OR1F1: variants seen among roughly 807,000 people sequenced by gnomAD.
OR1F1 encodes olfactory receptor 1F1.
For synonymous variants in OR1F1, 184 were observed against 156.7 expected, an observed-to-expected ratio of 1.17 and a Z score of -1.30; for missense variants, 493 against 376.3, an observed-to-expected ratio of 1.31 and a Z score of -2.57.
the OR1F1 span, among the ~76,000 whole-genome samples, chr16:3,198,354 G>C: frequency 2.0e-5 from 3 of 152,052 alleles, no homozygotes; most frequent in African/African-American, 7.2e-5. Flanking sequence ...GCACAAAATA[G>C]CTGGTGTGCC....
the OR1F1 span, among the ~76,000 whole-genome samples, chr16:3,196,116 G>A: frequency 2.6e-5 from 4 of 152,226 alleles, no homozygotes; most frequent in Non-Finnish European, 5.9e-5. Context: ...GTCAAGTGGT[G>A]AGCACACACT....
the OR1F1 span, among the ~76,000 whole-genome samples, chr16:3,193,680 C>T: frequency 6.6e-6 from 1 of 152,176 alleles, no homozygotes; most frequent in Non-Finnish European, 1.5e-5. Context: ...TCCCTGCAGC[C>T]TCCACTTCCT....
chr16:3,189,135 C>T, the OR1F1 span, among the ~76,000 whole-genome samples: 1 of 152,168 alleles, frequency 6.6e-6, no homozygotes, highest in Non-Finnish European at 1.5e-5. Context: ...GGACCGGAGC[C>T]GGAGAAGCGT....
chr16:3,189,658 T>C, the OR1F1 span: 1 of 151,900 alleles, frequency 6.6e-6, no homozygotes, highest in Non-Finnish European at 1.5e-5. Context: ...GGGGTATGAT[T>C]CTCGCTTAGG....
At chr16:3,195,676 CAAAA>C in the OR1F1 span, among the ~76,000 whole-genome samples, 1 of 99,298 alleles carries the variant, frequency 1.0e-5, no homozygotes, top group African/African-American at 3.6e-5. Context: ...GAGTGGAACT[CAAAA>C]AAAAAAAAAA....
chr16:3,191,947 C>T, the OR1F1 span, among the ~76,000 whole-genome samples: 2 of 152,210 alleles, frequency 1.3e-5, no homozygotes, highest in African/African-American at 4.8e-5. Context: ...GCTCCAAGTA[C>T]TCCACGGCTG....
At chr16:3,189,479 G>A in the OR1F1 span, among the ~76,000 whole-genome samples, 1 of 152,236 alleles carries the variant, frequency 6.6e-6, no homozygotes, top group African/African-American at 2.4e-5. Context: ...AGGGGCCGGG[G>A]CTCTGGGCTT....
chr16:3,199,977 C>A (rs1002528535), upstream of OR1F1, among the ~76,000 whole-genome samples: 2 of 151,318 alleles, frequency 1.3e-5, no homozygotes, highest in Non-Finnish European at 2.9e-5. Context: ...GATCATGCCA[C>A]TGCACTGCAC....
rs776552757 is a variant in OR1F1 at position 3,204,686 on chromosome 16, G to C, written c.440G>C (p.Gly147Ala). The change falls in exon 1 of 1, where the codon GGA (glycine) becomes GCA (alanine). Residue 147 changes from glycine (G) to alanine (A), a missense_variant. Coordinates refer to ENST00000304646, the Ensembl canonical transcript of OR1F1. ...CAGCTCTGTGCCCTGCTGGTTGCTG[G>C]ATTATGGGTGGTTGCCAACCTGAAT... The C allele has an allele frequency of 4.0e-5, 64 of 1,613,992 alleles. 2 individuals carry two copies. In the South Asian group the frequency reaches 6.0e-4, roughly 15 times the overall value.
At chr16:3,191,473 T>G in the OR1F1 span, 1 of 152,150 alleles carries the variant, frequency 6.6e-6, no homozygotes. Flanking sequence ...ACCCCGCCAA[T>G]TACTAGACAT....
the OR1F1 span, among the ~76,000 whole-genome samples, chr16:3,192,875 G>A: frequency 6.6e-6 from 1 of 152,068 alleles, no homozygotes; most frequent in Non-Finnish European, 1.5e-5. Context: ...TCTGACTCGC[G>A]CCGTCTGCAA....
chr16:3,198,147 G>A, the OR1F1 span, among the ~76,000 whole-genome samples: 3 of 149,954 alleles, frequency 2.0e-5, no homozygotes, highest in East Asian at 6.0e-4. Flanking sequence ...GGGAGAGAGA[G>A]GGAGAGAGAG....
chr16:3,203,222 C>T (rs528751318), upstream of OR1F1, among the ~76,000 whole-genome samples: 1 of 152,302 alleles, frequency 6.6e-6, no homozygotes, highest in South Asian at 2.1e-4. Context: ...CAATGAGGCT[C>T]TCAGGGAATA....
the OR1F1 span, among the ~76,000 whole-genome samples, chr16:3,191,949 C>T: frequency 1.3e-5 from 2 of 152,318 alleles, no homozygotes; most frequent in African/African-American, 2.4e-5. Flanking sequence ...TCCAAGTACT[C>T]CACGGCTGCC....
At chr16:3,193,348 C>T in the OR1F1 span, among the ~76,000 whole-genome samples, 1 of 152,266 alleles carries the variant, frequency 6.6e-6, no homozygotes. Context: ...GCCCGAGACC[C>T]TCCGTTGCTC....
At chr16:3,194,943 C>G in the OR1F1 span, among the ~76,000 whole-genome samples, 11 of 152,310 alleles carry the variant, frequency 7.2e-5, no homozygotes, top group African/African-American at 2.4e-4. Flanking sequence ...GATAGTGACT[C>G]CTGGGCATGA....
chr16:3,192,057 G>GC, the OR1F1 span, among the ~76,000 whole-genome samples: 1 of 152,082 alleles, frequency 6.6e-6, no homozygotes, highest in African/African-American at 2.4e-5. Context: ...TCCCGGACGA[G>GC]CCCCTCTTCT....
the OR1F1 span, among the ~76,000 whole-genome samples, chr16:3,194,641 G>A: frequency 6.6e-6 from 1 of 152,160 alleles, no homozygotes; most frequent in Admixed American, 6.5e-5. Context: ...CAGAGGAGAG[G>A]AGGGGAGAAA....
At chr16:3,201,522 G>A (rs8044035), upstream of OR1F1, among the ~76,000 whole-genome samples, 42,294 of 152,048 alleles carry the variant, frequency 0.28, 6,562 homozygotes, top group African/African-American at 0.42. Flanking sequence ...ATACGTGGAG[G>A]AAAAGGGGAA....
Sources: allele counts gnomAD v4.1 joint callset (sites outside exome capture counted in the v4.1 genomes callset), GRCh38; gene constraint gnomAD v4.1.1; transcripts MANE v1.5; gene names NCBI Gene and HGNC (gene_info 2026-07-23, HGNC 2026-07-21).